Variants in PHACTR1 observed in about 807,000 individuals in gnomAD.
The protein encoded by PHACTR1 is phosphatase and actin regulator 1.
Under a neutral mutation model 69.2 loss-of-function variants are expected in PHACTR1, and 16 were observed. That is an observed-to-expected ratio of 0.23 (90% CI 0.16 to 0.35). PHACTR1 has a LOEUF of 0.35. Among genes scored for constraint, PHACTR1 ranks in the 10% least tolerant of loss-of-function variants. The pLI is 1.00. For missense variants in PHACTR1, 510 were observed against 734.7 expected, an observed-to-expected ratio of 0.69 and a Z score of 3.54; for synonymous variants, 312 against 284.5, an observed-to-expected ratio of 1.10 and a Z score of -0.97.
At chr6:13,239,576 G>A (rs1584166010) in intron 10 of PHACTR1, among the ~76,000 whole-genome samples, 1 of 152,176 alleles carries the variant, frequency 6.6e-6, no homozygotes, top group Non-Finnish European at 1.5e-5. Flanking sequence ...TGAGCAAGAC[G>A]CATTGGAAGG....
chr6:12,884,641 T>C (rs897604571), intron 4 of PHACTR1, among the ~76,000 whole-genome samples: 1 of 152,098 alleles, frequency 6.6e-6, no homozygotes, highest in Non-Finnish European at 1.5e-5. Flanking sequence ...GACCTCATGG[T>C]CCGCCCGCCT....
chr6:13,118,313 A>T (rs1051318351), intron 5 of PHACTR1, among the ~76,000 whole-genome samples: 1 of 152,058 alleles, frequency 6.6e-6, no homozygotes, highest in African/African-American at 2.4e-5. Flanking sequence ...ATCCCTTCAC[A>T]TCCTCAGAAA....
At chr6:13,076,543 A>G (rs1810502110) in intron 5 of PHACTR1, among the ~76,000 whole-genome samples, 1 of 152,148 alleles carries the variant, frequency 6.6e-6, no homozygotes, top group African/African-American at 2.4e-5. Context: ...CATGTTTTGC[A>G]AGCATTCATT....
intron 5 of PHACTR1, among the ~76,000 whole-genome samples, chr6:13,068,249 A>G (rs1222548248): frequency 1.3e-5 from 2 of 152,132 alleles, no homozygotes; most frequent in African/African-American, 2.4e-5. Context: ...CCTGGGGGAC[A>G]GAGGTTGCAG....
At chr6:12,740,286 A>G (rs1476185056) in intron 3 of PHACTR1, among the ~76,000 whole-genome samples, 1 of 152,136 alleles carries the variant, frequency 6.6e-6, no homozygotes, top group East Asian at 1.9e-4. Context: ...ATGCTGGTCC[A>G]TGTCATGGGT....
At position 12,854,349 on chromosome 6, in the gene PHACTR1, T is replaced by A. The variant is rs146318655; in HGVS notation, c.250+104559T>A. Among the ~76,000 whole-genome samples, 388 of 152,318 alleles carry A rather than the reference T, an allele frequency of 2.5e-3. 2 individuals carry two copies. Among genetic ancestry groups the A allele is most frequent in the Non-Finnish European group, 3.5e-3 (237 of 68,006 alleles). On this transcript the variant is annotated intron_variant, in intron 4 of 14. Transcript: ENST00000332995. ...TTTCTTTTGATTTCATTCCCTCAGATGTAGGGTAGTAGGCCAGGCTAATAG... is the reference window on the plus strand; with the variant it reads ...TTTCTTTTGATTTCATTCCCTCAGAAGTAGGGTAGTAGGCCAGGCTAATAG...
intron 4 of PHACTR1, among the ~76,000 whole-genome samples, chr6:12,840,513 G>T (rs994531425): frequency 1.3e-5 from 2 of 152,180 alleles, no homozygotes; most frequent in African/African-American, 4.8e-5. Context: ...AAAGAGTCCA[G>T]ACAGGAGAGC....
chr6:13,133,195 T>C (rs1820749459), intron 5 of PHACTR1, among the ~76,000 whole-genome samples: 2 of 114,052 alleles, frequency 1.8e-5, no homozygotes, highest in Admixed American at 9.3e-5. Flanking sequence ...TGAAAATCTA[T>C]TTGGCCTCCC....
intron 4 of PHACTR1, among the ~76,000 whole-genome samples, chr6:12,909,867 C>G (rs1324411748): frequency 6.6e-6 from 1 of 152,182 alleles, no homozygotes; most frequent in Non-Finnish European, 1.5e-5. Context: ...TCTTGCATAC[C>G]CAGGGCTTAC....
At chr6:12,821,213 G>A (rs935228086) in intron 4 of PHACTR1, among the ~76,000 whole-genome samples, 1 of 152,158 alleles carries the variant, frequency 6.6e-6, no homozygotes, top group African/African-American at 2.4e-5. Context: ...TGTAATCCTA[G>A]CACTTTGTGA....
chr6:12,763,627 A>G (rs1768282404), intron 4 of PHACTR1, among the ~76,000 whole-genome samples: 1 of 152,214 alleles, frequency 6.6e-6, no homozygotes, highest in Non-Finnish European at 1.5e-5. Flanking sequence ...AGGCTGGCAT[A>G]ATTACTCAAT....
chr6:12,725,608 C>G (rs951668336), intron 3 of PHACTR1, among the ~76,000 whole-genome samples: 18 of 152,206 alleles, frequency 1.2e-4, no homozygotes, highest in African/African-American at 4.3e-4. Context: ...AATGCTAGCT[C>G]TGAATCCGCA....
intron 4 of PHACTR1, among the ~76,000 whole-genome samples, chr6:12,773,549 CT>C (rs1239787813): frequency 6.6e-6 from 1 of 152,150 alleles, no homozygotes; most frequent in Non-Finnish European, 1.5e-5. Flanking sequence ...GAAAAACACA[CT>C]TTAAACTATC....
intron 5 of PHACTR1, among the ~76,000 whole-genome samples, chr6:13,143,150 A>G (rs1822764589): frequency 6.6e-6 from 1 of 152,180 alleles, no homozygotes; most frequent in South Asian, 2.1e-4. Flanking sequence ...GAGGGTAGAA[A>G]GGAAGGGAAG....
At position 13,283,412 on chromosome 6, in the gene PHACTR1, C is replaced by T. The variant is rs543494128; in HGVS notation, c.1510-10C>T. 2.5e-6 allele frequency: 4 copies of T among 1,613,160 alleles called. No individual in the cohort carries two copies. Among genetic ancestry groups the T allele is most frequent in the African/African-American group, 1.3e-5 (1 of 75,046 alleles). On this transcript the variant is annotated splice_polypyrimidine_tract_variant and intron_variant, in intron 12 of 14. Coordinates refer to ENST00000332995, the MANE Select transcript of PHACTR1 (RefSeq NM_030948.6). This position sits in a 1 kb window ranked among gnomAD's most constrained non-coding sequence, Gnocchi z 4.7. ...TGGCTGACTGGGTCCATCTCTCTCC[C>T]TCCCTGCAGCTCAGTCAAAGGCCCA...
chr6:12,744,846 C>T (rs1765568304), intron 3 of PHACTR1, among the ~76,000 whole-genome samples: 1 of 152,126 alleles, frequency 6.6e-6, no homozygotes, highest in South Asian at 2.1e-4. Flanking sequence ...TGACTAACAA[C>T]AATTTTATTC....
chr6:13,244,920 G>A (rs951228189), intron 10 of PHACTR1, among the ~76,000 whole-genome samples: 1 of 152,226 alleles, frequency 6.6e-6, no homozygotes, highest in Non-Finnish European at 1.5e-5. Context: ...AAGTGTCCAT[G>A]AAATCTTTAC....
intron 8 of PHACTR1, among the ~76,000 whole-genome samples, chr6:13,208,629 C>CCG (rs1554160317): frequency 1.4e-5 from 2 of 140,640 alleles, no homozygotes; most frequent in African/African-American, 5.5e-5. Context: ...TCATTGCTGC[C>CCG]CACCCCCCCA....
chr6:13,110,494 G>C (rs1381146135), intron 5 of PHACTR1, among the ~76,000 whole-genome samples: 1 of 152,202 alleles, frequency 6.6e-6, no homozygotes, highest in Non-Finnish European at 1.5e-5. Flanking sequence ...GTGCTCAACA[G>C]TTTTGAATCT....
Sources: gnomAD v4.1 joint callset for allele counts (sites outside exome capture counted in the v4.1 genomes callset) on GRCh38, gnomAD v4.1.1 for gene constraint, Gnocchi (gnomAD v3.1) non-coding constraint, MANE v1.5 for transcripts, NCBI Gene and HGNC (gene_info 2026-07-23, HGNC 2026-07-21) for gene names.